Variants in CERS4 observed in about 807,000 individuals in gnomAD.
CERS4 encodes ceramide synthase 4.
In CERS4, 65 loss-of-function variants were observed where a neutral mutation model predicts 51.8. The ratio of observed to expected loss-of-function variants is 1.26; its 90% CI spans 1.03 to 1.54. CERS4 has a LOEUF of 1.54. Among genes scored for constraint, CERS4 ranks in the 40% most tolerant of loss-of-function variants. The pLI is 0.00. For synonymous variants in CERS4, 228 were observed against 208.4 expected, an observed-to-expected ratio of 1.09 and a Z score of -0.81; for missense variants, 563 against 500.4, an observed-to-expected ratio of 1.13 and a Z score of -1.19.
At chr19:8,214,954 G>A (rs571652628) in intron 2 of CERS4, among the ~76,000 whole-genome samples, 122 of 146,204 alleles carry the variant, frequency 8.3e-4, no homozygotes, top group African/African-American at 2.8e-3. Flanking sequence ...GGAGGAGAGG[G>A]AGGAGGGGGA....
chr19:8,254,642 C>G (rs765019737), intron 4 of CERS4, 26 bp downstream of exon 4: 1 of 1,573,512 alleles, frequency 6.4e-7, no homozygotes, highest in East Asian at 2.3e-5. Context: ...GCCCTCCGAC[C>G]CGCACTACTG....
intron 4 of CERS4, among the ~76,000 whole-genome samples, chr19:8,255,280 T>G (rs984728791): frequency 1.3e-5 from 2 of 152,110 alleles, no homozygotes; most frequent in African/African-American, 4.8e-5. Context: ...ACTGCCTGTC[T>G]AGGTTGGAGG....
chr19:8,243,196 A>T (rs1262495104), intron 2 of CERS4, among the ~76,000 whole-genome samples: 7 of 686 alleles, frequency 0.01, no homozygotes, highest in Non-Finnish European at 0.026. Context: ...CCTGTCTCTA[A>T]AAAAAAAAAA....
chr19:8,248,654 G>A (rs991966067), intron 2 of CERS4, among the ~76,000 whole-genome samples: 2 of 151,912 alleles, frequency 1.3e-5, no homozygotes, highest in African/African-American at 2.4e-5. Context: ...GTGGATGGAT[G>A]ATGGGTGGGT....
At chr19:8,248,082 G>C (rs539087513) in intron 2 of CERS4, among the ~76,000 whole-genome samples, 1 of 152,192 alleles carries the variant, frequency 6.6e-6, no homozygotes, top group Admixed American at 6.6e-5. Flanking sequence ...TCCTTAGAGA[G>C]CCTCTCCTTG....
At chr19:8,243,872 T>G (rs1968646013) in intron 2 of CERS4, among the ~76,000 whole-genome samples, 1 of 151,954 alleles carries the variant, frequency 6.6e-6, no homozygotes, top group Admixed American at 6.6e-5. Flanking sequence ...TTGTGTTGTC[T>G]GACACTTAGC....
intron 2 of CERS4, among the ~76,000 whole-genome samples, chr19:8,250,203 G>C (rs536174451): frequency 6.6e-6 from 1 of 152,070 alleles, no homozygotes; most frequent in Admixed American, 6.5e-5. Flanking sequence ...TCAAACTCCT[G>C]ACCTGAAGTG....
rs370901748 is a variant in CERS4, at chr19:8,261,814, C to T, written c.975C>T (p.Arg325=). Reference sequence around the variant, plus strand: ...TGTTCTGGTCTTGCCTCATTCTGCGCATGCTCTATAGCTTCATGAAGAAGG... The same window carrying T: ...TGTTCTGGTCTTGCCTCATTCTGCGTATGCTCTATAGCTTCATGAAGAAGG... ...LHVFWSCLIL[R]MLYSFMKKGQ... The change falls in exon 11 of 12, where the codon CGC becomes CGT. Residue 325 remains arginine (R), a synonymous_variant. Transcript: ENST00000251363. The T allele has an allele frequency of 1.6e-5, 26 of 1,614,068 alleles. No homozygotes were observed. The highest frequency in any genetic ancestry group is 6.7e-5 in the Admixed American group (4 of 60,008).
Position 8,251,263 on chromosome 19 carries a change from C to T in CERS4, c.173+14C>T. 6.4e-7 allele frequency: 1 copy of T among 1,572,074 alleles called. No homozygotes were observed. Among genetic ancestry groups the T allele is most frequent in the Non-Finnish European group, 8.6e-7 (1 of 1,160,140 alleles). Reference sequence around the variant, plus strand: ...TGCCTTTGAGAGGTGAGTGTCTGCCCTGCCGCAATCCATTGCCCCCGCAGT... The same window carrying T: ...TGCCTTTGAGAGGTGAGTGTCTGCCTTGCCGCAATCCATTGCCCCCGCAGT... On this transcript the variant is annotated intron_variant, in intron 3 of 11. Transcript: ENST00000251363.
chr19:8,254,844 C>A (rs1969290596), intron 4 of CERS4, among the ~76,000 whole-genome samples: 1 of 151,818 alleles, frequency 6.6e-6, no homozygotes, highest in African/African-American at 2.4e-5. Context: ...GACATGGAGC[C>A]CCACCCTTCC....
At chr19:8,250,135 C>T (rs780211941) in intron 2 of CERS4, among the ~76,000 whole-genome samples, 24 of 151,380 alleles carry the variant, frequency 1.6e-4, no homozygotes, top group South Asian at 2.1e-4. Flanking sequence ...CCACCACGCC[C>T]GGCTAATTTT....
chr19:8,251,539 C>T (rs567408664), intron 3 of CERS4, among the ~76,000 whole-genome samples: 7 of 152,282 alleles, frequency 4.6e-5, no homozygotes, highest in Admixed American at 1.3e-4. Flanking sequence ...AGGCCGGGCA[C>T]GGTGGCTCAC....
At chr19:8,212,282 T>A (rs1272983505) in intron 2 of CERS4, among the ~76,000 whole-genome samples, 1 of 151,594 alleles carries the variant, frequency 6.6e-6, no homozygotes, top group African/African-American at 2.4e-5. Context: ...AGGGGAGTAA[T>A]GGTGGGGCTG....
At chr19:8,222,468 CTG>C (rs1256946718) in intron 2 of CERS4, among the ~76,000 whole-genome samples, 1 of 152,000 alleles carries the variant, frequency 6.6e-6, no homozygotes, top group Non-Finnish European at 1.5e-5. Flanking sequence ...GCGTGAGTCA[CTG>C]TGCCTGGCCA....
intron 2 of CERS4, among the ~76,000 whole-genome samples, chr19:8,220,723 G>A (rs11666866): frequency 0.36 from 54,402 of 152,046 alleles, 10,291 homozygotes; most frequent in Non-Finnish European, 0.42. Context: ...AGCCTGTGTT[G>A]CCAGGAGAAC....
At chr19:8,223,521 A>G (rs532428631) in intron 2 of CERS4, among the ~76,000 whole-genome samples, 13 of 152,260 alleles carry the variant, frequency 8.5e-5, no homozygotes, top group Non-Finnish European at 1.8e-4. Flanking sequence ...TGTGAGACTG[A>G]GGCAGGAGAA....
intron 2 of CERS4, among the ~76,000 whole-genome samples, chr19:8,248,899 G>T: frequency 6.6e-6 from 1 of 151,542 alleles, no homozygotes; most frequent in East Asian, 1.9e-4. Context: ...TTGGATGGGT[G>T]GACATATGGA....
chr19:8,236,022 C>T (rs1251802701), intron 2 of CERS4, among the ~76,000 whole-genome samples: 2 of 152,048 alleles, frequency 1.3e-5, no homozygotes, highest in Non-Finnish European at 1.5e-5. Flanking sequence ...GGTGAAACCC[C>T]GTCTCTACCA....
intron 4 of CERS4, 43 bp from the exon 5 acceptor site, chr19:8,255,564 C>G (rs746363071): frequency 6.4e-7 from 1 of 1,553,312 alleles, no homozygotes; most frequent in Admixed American, 1.8e-5. Flanking sequence ...GGGAAGCCAC[C>G]ACAGGGCCTC....
Sources: allele counts gnomAD v4.1 joint callset (sites outside exome capture counted in the v4.1 genomes callset), GRCh38; gene constraint gnomAD v4.1.1; transcripts MANE v1.5; gene names NCBI Gene and HGNC (gene_info 2026-07-23, HGNC 2026-07-21).